CLPB: variants seen among roughly 807,000 people sequenced by gnomAD.
CLPB encodes ClpB family mitochondrial disaggregase.
Under a neutral mutation model 78.4 loss-of-function variants are expected in CLPB, and 40 were observed. That is an observed-to-expected ratio of 0.51 (90% confidence interval 0.40 to 0.66). The LOEUF is 0.66. Among genes scored for constraint, CLPB ranks in the 30% least tolerant of loss-of-function variants. The probability of loss-of-function intolerance (pLI) is 0.00; values close to 1 mark genes in which losing one functional copy is unlikely to be tolerated. For synonymous variants in CLPB, 333 were observed against 348.0 expected (o/e 0.96, Z 0.48); for missense variants, 780 against 886.9 (o/e 0.88, Z 1.53).
intron 2 of CLPB, 28 bp from the exon 3 acceptor site, chr11:72,403,080 G>C: frequency 6.3e-7 from 1 of 1,598,564 alleles, no homozygotes; most frequent in Non-Finnish European, 8.6e-7. Flanking sequence ...AATATTTTCA[G>C]TGTATGGCTT....
At chr11:72,295,402 C>T (rs1045203102) in intron 12 of CLPB, 90 bp downstream of exon 12, 171 of 1,429,534 alleles carry the variant, frequency 1.2e-4, no homozygotes, top group African/African-American at 9.4e-4. Flanking sequence ...AGAACCTTCA[C>T]CTGGGCCCAG....
At chr11:72,354,559 T>C (rs1482812518) in intron 5 of CLPB, 2 of 375,106 alleles carry the variant, frequency 5.3e-6, no homozygotes, top group Non-Finnish European at 9.4e-6. Context: ...CCACCTTCCC[T>C]GATCACTCCT....
intron 5 of CLPB, among the ~76,000 whole-genome samples, chr11:72,334,205 T>C (rs758204185): frequency 6.6e-6 from 1 of 152,186 alleles, no homozygotes; most frequent in Non-Finnish European, 1.5e-5. Flanking sequence ...GAGTAATTTC[T>C]AGTAGGAGTC....
At chr11:72,307,699 T>C (rs1214006199) in intron 8 of CLPB, among the ~76,000 whole-genome samples, 9 of 151,968 alleles carry the variant, frequency 5.9e-5, no homozygotes, top group African/African-American at 2.2e-4. Context: ...GGCTGAAGAG[T>C]ACCTCTCACT....
chr11:72,421,525 G>A (rs1443816660), intron 2 of CLPB, among the ~76,000 whole-genome samples: 1 of 152,192 alleles, frequency 6.6e-6, no homozygotes, highest in African/African-American at 2.4e-5. Flanking sequence ...ACAAGATCCT[G>A]GGAGAGTGAT....
chr11:72,322,318 G>A (rs1057197088), intron 6 of CLPB, among the ~76,000 whole-genome samples: 2 of 152,120 alleles, frequency 1.3e-5, no homozygotes, highest in Non-Finnish European at 2.9e-5. Flanking sequence ...AAATAGCTAG[G>A]TGGATCAGAG....
At chr11:72,319,161 C>A (rs1322145692) in intron 6 of CLPB, among the ~76,000 whole-genome samples, 2 of 152,202 alleles carry the variant, frequency 1.3e-5, no homozygotes, top group Admixed American at 1.3e-4. Context: ...TTCCCACCAA[C>A]CTCCAATGTG....
At chr11:72,339,545 T>C (rs1024338404) in intron 5 of CLPB, among the ~76,000 whole-genome samples, 3 of 152,238 alleles carry the variant, frequency 2.0e-5, no homozygotes, top group Admixed American at 1.3e-4. Context: ...AAGCATTAAA[T>C]GGACAACCGC....
intron 4 of CLPB, among the ~76,000 whole-genome samples, chr11:72,366,401 C>A (rs1015654862): frequency 6.6e-6 from 1 of 151,974 alleles, no homozygotes; most frequent in East Asian, 1.9e-4. Flanking sequence ...TTTTAGAAAA[C>A]CCTGTTTTCT....
intron 6 of CLPB, among the ~76,000 whole-genome samples, chr11:72,318,546 A>T (rs1000768964): frequency 3.9e-5 from 6 of 152,230 alleles, no homozygotes; most frequent in Non-Finnish European, 5.9e-5. Context: ...TTCTGGAAAG[A>T]GAGCTGTCAA....
At chr11:72,426,599 C>T (rs1268338593) in intron 2 of CLPB, among the ~76,000 whole-genome samples, 1 of 152,106 alleles carries the variant, frequency 6.6e-6, no homozygotes, top group African/African-American at 2.4e-5. Flanking sequence ...TGGCCTCCCT[C>T]TGATATAGCC....
intron 5 of CLPB, among the ~76,000 whole-genome samples, chr11:72,331,416 A>G (rs1950223764): frequency 6.6e-6 from 1 of 151,562 alleles, no homozygotes; most frequent in South Asian, 2.1e-4. Flanking sequence ...AAAAAAAAAA[A>G]AATTTTAAGA....
intron 4 of CLPB, among the ~76,000 whole-genome samples, chr11:72,379,021 G>A (rs987466798): frequency 6.6e-6 from 1 of 152,210 alleles, no homozygotes; most frequent in African/African-American, 2.4e-5. Context: ...TGGAAGGGAA[G>A]GGAGAGGGTA....
At chr11:72,299,751 T>C (rs1414288559) in intron 11 of CLPB, among the ~76,000 whole-genome samples, 1 of 152,210 alleles carries the variant, frequency 6.6e-6, no homozygotes, top group African/African-American at 2.4e-5. Flanking sequence ...CGAGTAAACC[T>C]GGATGGCAGC....
intron 4 of CLPB, among the ~76,000 whole-genome samples, chr11:72,361,702 G>A (rs991179470): frequency 1.3e-5 from 2 of 152,218 alleles, no homozygotes; most frequent in Admixed American, 6.5e-5. Context: ...AAAAGTGATA[G>A]TTGGCTCAAG....
At position 72,293,342 on chromosome 11, in the gene CLPB, G is replaced by A. The variant is rs1424808040; in HGVS notation, c.*25C>T. On this transcript the variant is annotated 3_prime_UTR_variant, in exon 16 of 16. Coordinates refer to ENST00000538039, the MANE Select transcript of CLPB (RefSeq NM_001258392.3). ...AAGGGGCCTTTATTGGATGGTGAGG[G>A]CACATAGGAGCAGGCAGGTGGCTGC... 5 of 1,608,614 alleles carry A rather than the reference G, an allele frequency of 3.1e-6. No individual in the cohort carries two copies. Among genetic ancestry groups the A allele is most frequent in the East Asian group, 2.2e-5 (1 of 44,720 alleles).
chr11:72,369,216 C>T (rs914396863), intron 4 of CLPB, among the ~76,000 whole-genome samples: 1 of 152,162 alleles, frequency 6.6e-6, no homozygotes, highest in Non-Finnish European at 1.5e-5. Context: ...GCCCACATCT[C>T]ACCTTCACAC....
chr11:72,339,515 C>A (rs192422792), intron 5 of CLPB, among the ~76,000 whole-genome samples: 2 of 152,194 alleles, frequency 1.3e-5, no homozygotes, highest in South Asian at 2.1e-4. Flanking sequence ...CAACTGAGTT[C>A]TCCAGCACTG....
chr11:72,367,310 C>T (rs1177783171), intron 4 of CLPB, among the ~76,000 whole-genome samples: 3 of 152,160 alleles, frequency 2.0e-5, no homozygotes, highest in Admixed American at 6.5e-5. Context: ...ACTACAGGCG[C>T]GTGCCACCAC....
Sources: allele counts gnomAD v4.1 joint callset (sites outside exome capture counted in the v4.1 genomes callset), GRCh38; gene constraint gnomAD v4.1.1; transcripts MANE v1.5; gene names NCBI Gene and HGNC (gene_info 2026-07-23, HGNC 2026-07-21).